PCDHGA8: variants seen among roughly 807,000 people sequenced by gnomAD.
The protein encoded by PCDHGA8 is protocadherin gamma subfamily A, 8.
In PCDHGA8, 45 loss-of-function variants were observed where a neutral mutation model predicts 59.2. That is an observed-to-expected ratio of 0.76 (90% CI 0.60 to 0.98). The LOEUF is 0.98. PCDHGA8 is among the 50% of genes least tolerant of loss of function. The pLI, the probability that PCDHGA8 is intolerant of heterozygous loss-of-function variation, is 0.00. For missense variants in PCDHGA8, 1,257 were observed against 1,196.2 expected (o/e 1.05, Z -0.75); for synonymous variants, 531 against 519.0 (o/e 1.02, Z -0.32).
At chr5:141,466,213 C>G (rs2099118871) in intron 1 of PCDHGA8, among the ~76,000 whole-genome samples, 1 of 151,958 alleles carries the variant, frequency 6.6e-6, no homozygotes, top group South Asian at 2.1e-4. Flanking sequence ...CTCTGTTACC[C>G]AGGCTGGAGT....
intron 1 of PCDHGA8, chr5:141,416,834 C>T (rs966016844): frequency 4.6e-5 from 7 of 151,848 alleles, no homozygotes; most frequent in Non-Finnish European, 1.0e-4. Flanking sequence ...TTCTCAAGAC[C>T]CTTATAATTC....
At position 141,429,997 on chromosome 5, in the gene PCDHGA8, G is replaced by A. The variant is rs536289272; in HGVS notation, c.2424+34760G>A. Among the ~76,000 whole-genome samples, 3 of 152,240 alleles carry A rather than the reference G, an allele frequency of 2.0e-5. No homozygotes were observed. The East Asian group carries it at 5.8e-4, about 29-fold the overall frequency. On this transcript the variant is annotated intron_variant, in intron 1 of 3. Transcript: ENST00000398604. ...TCTACTTTATGCTAAAAATATTAAT[G>A]TTTCTTTTTCACTTGGGTTCTTGTT... is the stretch of plus-strand genomic sequence containing the variant.
At position 141,477,177 on chromosome 5, in the gene PCDHGA8, T is replaced by C; in HGVS notation, c.2425-17630T>C. The C allele has an allele frequency of 6.2e-7, 1 of 1,614,160 alleles. No individual in the cohort carries two copies. On this transcript the variant is annotated intron_variant, in intron 1 of 3. Coordinates refer to ENST00000398604, the MANE Select transcript of PCDHGA8 (RefSeq NM_032088.2). This position sits in a 1 kb window ranked among gnomAD's most constrained non-coding sequence, Gnocchi z 4.9. Reference sequence around the variant, plus strand: ...AATGACAACGCCCCGGAGATCACAGTCACCTCCGTGTACAGCCCAGTACCC... The same window carrying C: ...AATGACAACGCCCCGGAGATCACAGCCACCTCCGTGTACAGCCCAGTACCC...
Position 141,476,889 on chromosome 5 carries a change from C to T in PCDHGA8, c.2425-17918C>T. ...CGGGCGCGCGTCCTGGAGGATGCAC[C>T]CTCCGGCACGCGCGTGGTACAAGTC... is the stretch of plus-strand genomic sequence containing the variant. On this transcript the variant is annotated intron_variant, in intron 1 of 3. Transcript: ENST00000398604. This position sits in a 1 kb window ranked among gnomAD's most constrained non-coding sequence, Gnocchi z 7.6. 6.2e-7 allele frequency: 1 copy of T among 1,613,960 alleles called. No individual in the cohort carries two copies. The highest frequency in any genetic ancestry group is 8.5e-7 in the Non-Finnish European group (1 of 1,180,034).
chr5:141,482,611 G>C (rs1016481108), intron 1 of PCDHGA8, among the ~76,000 whole-genome samples: 4 of 150,398 alleles, frequency 2.7e-5, no homozygotes, highest in Non-Finnish European at 5.9e-5. Context: ...ACACCTAAAT[G>C]AGCCTGGAGA....
chr5:141,494,996 C>A (rs2099758091), intron 2 of PCDHGA8, 131 bp downstream of exon 2: 2 of 1,539,742 alleles, frequency 1.3e-6, no homozygotes, highest in African/African-American at 1.4e-5. Context: ...CCAGGGAGGT[C>A]TTGGTGTGCG....
In PCDHGA8 at chr5:141,402,929, A is replaced by G. The variant is rs751760276; in HGVS notation, c.2424+7692A>G. 12 of 1,583,076 alleles carry G rather than the reference A, an allele frequency of 7.6e-6. No individual in the cohort carries two copies. In the South Asian group the frequency reaches 1.3e-4, roughly 17 times the overall value. On this transcript the variant is annotated intron_variant, in intron 1 of 3. Coordinates refer to ENST00000398604, the MANE Select transcript of PCDHGA8 (RefSeq NM_032088.2). ...AGCAGCGCGCACAGAGATCCTTTTG[A>G]GAAAATTCCAAAGCGAGGCAGCAAT...
intron 1 of PCDHGA8, among the ~76,000 whole-genome samples, chr5:141,445,415 C>A (rs1235584061): frequency 6.6e-6 from 1 of 152,140 alleles, no homozygotes; most frequent in Non-Finnish European, 1.5e-5. Context: ...TAACTGTCTG[C>A]TATATGCAAG....
intron 1 of PCDHGA8, among the ~76,000 whole-genome samples, chr5:141,401,533 CA>C: frequency 6.6e-6 from 1 of 151,790 alleles, no homozygotes; most frequent in East Asian, 1.9e-4. Flanking sequence ...AAGAAACTTA[CA>C]AAAAAAAGGA....
intron 1 of PCDHGA8, among the ~76,000 whole-genome samples, chr5:141,460,304 A>T (rs769422296): frequency 2.6e-5 from 4 of 152,144 alleles, no homozygotes; most frequent in Admixed American, 6.5e-5. Flanking sequence ...TCCTATTCAA[A>T]AACTCCTTGC....
chr5:141,403,697 G>A (rs1230785832), intron 1 of PCDHGA8: 5 of 1,613,830 alleles, frequency 3.1e-6, no homozygotes, highest in Admixed American at 1.7e-5. Context: ...GATTTACCGA[G>A]TTAAAGTCCT....
chr5:141,497,825 C>T (rs1015168533), intron 2 of PCDHGA8, among the ~76,000 whole-genome samples: 3 of 152,154 alleles, frequency 2.0e-5, no homozygotes, highest in Admixed American at 6.5e-5. Context: ...CAGGTGTGAT[C>T]GCCCCCGGCC....
rs565813908 is a variant in PCDHGA8 at position 141,503,968 on chromosome 5, G to A, written c.2484-1425G>A. Among the ~76,000 whole-genome samples, 14 of 152,182 alleles carry A rather than the reference G, an allele frequency of 9.2e-5. No homozygotes were observed. The South Asian group carries it at 2.7e-3, about 29-fold the overall frequency. ...GGCCTACCCTACAGCCTTTCCCATG[G>A]TGCCAAACCCTTCTTCTTACCTTAC... On this transcript the variant is annotated intron_variant, in intron 2 of 3. Transcript: ENST00000398604.
At chr5:141,399,635 T>C (rs1237333371) in intron 1 of PCDHGA8, 1 of 1,613,746 alleles carries the variant, frequency 6.2e-7, no homozygotes, top group Admixed American at 1.7e-5. Context: ...TACGTGTCCA[T>C]GAGCGCGCAA....
At position 141,394,806 on chromosome 5, in the gene PCDHGA8, G is replaced by A; in HGVS notation, c.1993G>A (p.Ala665Thr). 6.2e-7 allele frequency: 1 copy of A among 1,613,852 alleles called. No individual in the cohort carries two copies. Among genetic ancestry groups the A allele is most frequent in the Non-Finnish European group, 8.5e-7 (1 of 1,180,006 alleles). The change falls in exon 1 of 4, where the codon GCT becomes ACT. Residue 665 changes from alanine to threonine, a missense_variant. Transcript: ENST00000398604. Reference sequence around the variant, plus strand: ...CACTGTCACGCTCACCGTAGCCGTGGCTGACAGCATCCCCGAAGTCCTGAC... The same window carrying A: ...CACTGTCACGCTCACCGTAGCCGTGACTGACAGCATCCCCGAAGTCCTGAC... ...SATVTLTVAV[A>T]DSIPEVLTEL...
chr5:141,417,754 C>A, intron 1 of PCDHGA8: 2 of 1,431,302 alleles, frequency 1.4e-6, no homozygotes, highest in Non-Finnish European at 1.8e-6. Flanking sequence ...TTGCCAGCTC[C>A]GAGACCCGGG....
chr5:141,462,431 T>G (rs1345184304), intron 1 of PCDHGA8, among the ~76,000 whole-genome samples: 1 of 152,246 alleles, frequency 6.6e-6, no homozygotes, highest in East Asian at 1.9e-4. Context: ...TGGTGAGTGT[T>G]GCTTACACAC....
At chr5:141,433,358 C>CTAT (rs2097585632) in intron 1 of PCDHGA8, 108 of 504,044 alleles carry the variant, frequency 2.1e-4, no homozygotes, top group African/African-American at 2.0e-3. Flanking sequence ...CTACTGTCTG[C>CTAT]CTATCTATCT....
intron 1 of PCDHGA8, chr5:141,410,127 T>A (rs761667108): frequency 3.7e-6 from 6 of 1,612,926 alleles, no homozygotes; most frequent in Non-Finnish European, 5.1e-6. Context: ...CGCCAGCGCC[T>A]GCTGGTCGCT....
Sources: gnomAD v4.1 joint callset for allele counts (sites outside exome capture counted in the v4.1 genomes callset) on GRCh38, gnomAD v4.1.1 for gene constraint, Gnocchi (gnomAD v3.1) non-coding constraint, MANE v1.5 for transcripts, NCBI Gene and HGNC (gene_info 2026-07-23, HGNC 2026-07-21) for gene names.